The following ZNF324B variants were observed in gnomAD, a reference collection of about 807,000 sequenced individuals.
The protein encoded by ZNF324B is zinc finger protein 324B.
In ZNF324B, 7 loss-of-function variants were observed where a neutral mutation model predicts 10.6. That is an observed-to-expected ratio of 0.66 (90% CI 0.38 to 1.24). The LOEUF (loss-of-function observed/expected upper bound fraction) is 1.24, where lower values mean the gene tolerates loss of function less well. ZNF324B is among the 50% of genes most tolerant of loss of function. ZNF324B has a pLI of 0.02. For missense variants in ZNF324B, 640 were observed against 764.7 expected (o/e 0.84, Z 1.92); for synonymous variants, 316 against 321.0 (o/e 0.98, Z 0.17).
At chr19:58,427,437 T>TTCCTTTC in the ZNF324B span, among the ~76,000 whole-genome samples, 25 of 33,666 alleles carry the variant, frequency 7.4e-4, 1 homozygote, top group Non-Finnish European at 1.0e-3. Flanking sequence ...CTTCCTTCCT[T>TTCCTTTC]CCTTCCTTTC....
At chr19:58,427,433 T>TTC in the ZNF324B span, among the ~76,000 whole-genome samples, 218 of 35,438 alleles carry the variant, frequency 6.2e-3, 2 homozygotes, top group South Asian at 9.5e-3. Flanking sequence ...CTTCCTTCCT[T>TTC]CCTTCCTTCC....
the ZNF324B span, chr19:58,431,130 A>T: frequency 6.6e-6 from 1 of 152,186 alleles, no homozygotes; most frequent in Non-Finnish European, 1.5e-5. Context: ...CACATCTGAA[A>T]AGGTGGTCTT....
At chr19:58,439,288 C>A in the ZNF324B span, among the ~76,000 whole-genome samples, 2 of 152,182 alleles carry the variant, frequency 1.3e-5, no homozygotes, top group Admixed American at 6.5e-5. Context: ...GCCCACTAGG[C>A]ATCCATAGGG....
chr19:58,448,650 C>T (rs2122330016), upstream of ZNF324B, among the ~76,000 whole-genome samples: 1 of 152,286 alleles, frequency 6.6e-6, no homozygotes, highest in South Asian at 2.1e-4. Flanking sequence ...TGGCATGAAC[C>T]TAGGAGGCGG....
chr19:58,437,321 T>C, the ZNF324B span: 7 of 1,307,114 alleles, frequency 5.4e-6, no homozygotes, highest in African/African-American at 1.5e-5. Flanking sequence ...CTTATGATCC[T>C]CTCAGTCCAC....
At chr19:58,450,554 T>G (rs112890128), upstream of ZNF324B, among the ~76,000 whole-genome samples, 3,699 of 152,188 alleles carry the variant, frequency 0.024, 142 homozygotes, top group African/African-American at 0.084. Flanking sequence ...TACTTAAGTG[T>G]TCTTAAATTC....
At chr19:58,451,456 C>G (rs1308046673), upstream of ZNF324B, 4 of 337,626 alleles carry the variant, frequency 1.2e-5, no homozygotes, top group African/African-American at 4.6e-5. Flanking sequence ...CATTTCCAGG[C>G]GCCCAGCGCG....
chr19:58,427,311 C>CTTTCTTTCTTTCTT, the ZNF324B span, among the ~76,000 whole-genome samples: 1 of 76,320 alleles, frequency 1.3e-5, no homozygotes, highest in African/African-American at 9.5e-5. Context: ...TTCTTTCTTT[C>CTTTCTTTCTTTCTT]TTTCTTTCTT....
chr19:58,446,696 C>A (rs2052829534), upstream of ZNF324B, among the ~76,000 whole-genome samples: 1 of 150,334 alleles, frequency 6.7e-6, no homozygotes, highest in South Asian at 2.1e-4. Context: ...CCTGCCTCAG[C>A]CTCCCAAGTA....
chr19:58,424,165 C>G, the ZNF324B span, among the ~76,000 whole-genome samples: 1 of 152,102 alleles, frequency 6.6e-6, no homozygotes, highest in African/African-American at 2.4e-5. Context: ...AGGAGAATAG[C>G]TTGAACCCAG....
chr19:58,433,220 T>G, the ZNF324B span: 2 of 1,251,036 alleles, frequency 1.6e-6, no homozygotes, highest in East Asian at 2.3e-5. Context: ...CTTTTCCACA[T>G]TAGCAGTACA....
At chr19:58,433,694 A>G in the ZNF324B span, 2 of 1,610,172 alleles carry the variant, frequency 1.2e-6, no homozygotes, top group Non-Finnish European at 1.7e-6. Flanking sequence ...ATGAGAATGG[A>G]GTTTTGGCTA....
At chr19:58,452,765 C>A in intron 1 of ZNF324B, 1 of 557,334 alleles carries the variant, frequency 1.8e-6, no homozygotes, top group Non-Finnish European at 2.3e-6. Context: ...GTCAGGCGTG[C>A]GGAGTTACAG....
chr19:58,453,337 G>A, intron 1 of ZNF324B: 5 of 339,552 alleles, frequency 1.5e-5, no homozygotes, highest in South Asian at 1.3e-4. Flanking sequence ...TTACACCCTT[G>A]CTTATTACAA....
chr19:58,426,225 C>T, the ZNF324B span, among the ~76,000 whole-genome samples: 3 of 152,022 alleles, frequency 2.0e-5, no homozygotes, highest in African/African-American at 7.3e-5. Flanking sequence ...TCACAAGAGG[C>T]GAGTCTGGAA....
At chr19:58,425,472 C>G in the ZNF324B span, among the ~76,000 whole-genome samples, 5 of 135,252 alleles carry the variant, frequency 3.7e-5, no homozygotes, top group South Asian at 7.2e-4. Context: ...TCCTTCTTTC[C>G]TTTTTTTTTT....
the ZNF324B span, among the ~76,000 whole-genome samples, chr19:58,422,090 G>A: frequency 6.6e-6 from 1 of 152,062 alleles, no homozygotes; most frequent in African/African-American, 2.4e-5. Flanking sequence ...GCTAATTTTT[G>A]TATTTTTAGT....
At chr19:58,453,499 G>GT (rs2052882260) in intron 1 of ZNF324B, among the ~76,000 whole-genome samples, 197 bp from the exon 2 acceptor site, 1 of 152,140 alleles carries the variant, frequency 6.6e-6, no homozygotes, top group Non-Finnish European at 1.5e-5. Context: ...AAGTCAAGAA[G>GT]CCATCTGGGG....
the ZNF324B span, chr19:58,435,776 T>G: frequency 2.0e-5 from 3 of 152,744 alleles, no homozygotes; most frequent in African/African-American, 7.2e-5. Flanking sequence ...CATAGCAGAA[T>G]TTTTTTAAAA....
Sources: allele counts gnomAD v4.1 joint callset (sites outside exome capture counted in the v4.1 genomes callset), GRCh38; gene constraint gnomAD v4.1.1; transcripts MANE v1.5; gene names NCBI Gene and HGNC (gene_info 2026-07-23, HGNC 2026-07-21).